Variants in PTPRD observed in about 807,000 individuals in gnomAD.
The protein encoded by PTPRD is receptor-type tyrosine-protein phosphatase delta.
Under a neutral mutation model 214.5 loss-of-function variants are expected in PTPRD, and 34 were observed. The ratio of observed to expected loss-of-function variants is 0.16; its 90% CI spans 0.12 to 0.21. The LOEUF (loss-of-function observed/expected upper bound fraction) is 0.21, where lower values mean the gene tolerates loss of function less well. Ranked by LOEUF, PTPRD falls within the 10% of genes least tolerant of loss-of-function variation. The pLI is 1.00. For missense variants in PTPRD, 2,545 were observed against 2,398.7 expected (o/e 1.06, Z -1.27); for synonymous variants, 1,128 against 845.7 (o/e 1.33, Z -5.79).
chr9:9,395,409 G>A (rs1015622633), intron 9 of PTPRD, among the ~76,000 whole-genome samples: 1 of 152,076 alleles, frequency 6.6e-6, no homozygotes, highest in African/African-American at 2.4e-5. Context: ...TGAGTTAATT[G>A]GTTTGGGTAC....
intron 44 of PTPRD, among the ~76,000 whole-genome samples, chr9:8,329,571 A>C (rs1400352688): frequency 1.3e-5 from 2 of 152,148 alleles, no homozygotes; most frequent in Non-Finnish European, 2.9e-5. Flanking sequence ...CGCTCATCAG[A>C]GCTGCCAGGT....
At chr9:9,978,660 A>C (rs1407518368) in intron 4 of PTPRD, among the ~76,000 whole-genome samples, 1 of 152,264 alleles carries the variant, frequency 6.6e-6, no homozygotes, top group South Asian at 2.1e-4. Context: ...GTATAGATGT[A>C]TATAATATAT....
At chr9:9,738,884 G>A (rs2098349919) in intron 6 of PTPRD, among the ~76,000 whole-genome samples, 1 of 152,044 alleles carries the variant, frequency 6.6e-6, no homozygotes, top group South Asian at 2.1e-4. Flanking sequence ...TCCCAATAAT[G>A]TAGAATTTTC....
chr9:9,834,213 T>A (rs779985716), intron 5 of PTPRD, among the ~76,000 whole-genome samples: 1 of 152,076 alleles, frequency 6.6e-6, no homozygotes, highest in African/African-American at 2.4e-5. Flanking sequence ...GTCCCTCTGT[T>A]TGGGGTCCCT....
At chr9:9,289,089 G>A (rs1280721818) in intron 9 of PTPRD, among the ~76,000 whole-genome samples, 1 of 151,796 alleles carries the variant, frequency 6.6e-6, no homozygotes, top group Non-Finnish European at 1.5e-5. Flanking sequence ...TTACGTCATG[G>A]AAATAGAGTT....
intron 5 of PTPRD, among the ~76,000 whole-genome samples, chr9:9,896,219 T>C (rs1282129833): frequency 2.0e-5 from 3 of 152,066 alleles, no homozygotes; most frequent in Non-Finnish European, 4.4e-5. Flanking sequence ...ACATAAAATA[T>C]GACTATTTCC....
At chr9:10,559,862 T>C (rs557640104) in intron 2 of PTPRD, among the ~76,000 whole-genome samples, 1,668 of 151,990 alleles carry the variant, frequency 0.011, 33 homozygotes, top group African/African-American at 0.037. Context: ...CAATGAGATA[T>C]CATCTCACAC....
chr9:10,588,546 T>A lies in PTPRD; in HGVS notation c.-600+23852A>T, dbSNP rs554771416. ...CCAGCCATGGAATCAGAACTCATAC[T>A]ATTGATATTAGAAGATCAACACAGT... On this transcript the variant is annotated intron_variant, in intron 2 of 45. Coordinates refer to ENST00000381196, the MANE Select transcript of PTPRD (RefSeq NM_002839.4). Among the ~76,000 whole-genome samples the A allele has an allele frequency of 1.8e-4, 27 of 152,030 alleles. No individual in the cohort carries two copies. The South Asian group carries it at 5.6e-3, about 32-fold the overall frequency.
intron 2 of PTPRD, among the ~76,000 whole-genome samples, chr9:10,438,159 T>A (rs1225190375): frequency 1.3e-5 from 2 of 151,032 alleles, no homozygotes; most frequent in Non-Finnish European, 3.0e-5. Flanking sequence ...ATTAAGTAAG[T>A]CATTTTCATT....
At position 10,360,172 on chromosome 9, in the gene PTPRD, C is replaced by T. The variant is rs550286288; in HGVS notation, c.-599-19155G>A. 1.5e-4 allele frequency among the ~76,000 whole-genome samples: 23 copies of T among 152,304 alleles called. No homozygotes were observed. The South Asian group carries it at 4.6e-3, about 30-fold the overall frequency. On this transcript the variant is annotated intron_variant, in intron 2 of 45. Coordinates refer to ENST00000381196, the MANE Select transcript of PTPRD (RefSeq NM_002839.4). ...CATAGTAATATAATAAAACTAGAGGCTGGAAATTTGAGTTCTTACTCTTGA... is the reference window on the plus strand; with the variant it reads ...CATAGTAATATAATAAAACTAGAGGTTGGAAATTTGAGTTCTTACTCTTGA...
chr9:10,489,877 G>T (rs1031319620), intron 2 of PTPRD, among the ~76,000 whole-genome samples: 1 of 152,162 alleles, frequency 6.6e-6, no homozygotes, highest in African/African-American at 2.4e-5. Context: ...CTGGGGAATG[G>T]GGGAGGGATA....
chr9:10,269,006 C>A (rs1034940246), intron 3 of PTPRD, among the ~76,000 whole-genome samples: 2 of 152,108 alleles, frequency 1.3e-5, no homozygotes, highest in East Asian at 3.9e-4. Flanking sequence ...AAAATATCTC[C>A]AGCCACTGCC....
chr9:8,768,949 T>C (rs1227257672), intron 11 of PTPRD, among the ~76,000 whole-genome samples: 2 of 152,190 alleles, frequency 1.3e-5, no homozygotes, highest in African/African-American at 2.4e-5. Flanking sequence ...TATAGCACTA[T>C]ATAATAAAAA....
chr9:9,422,903 G>A (rs576856082), intron 8 of PTPRD, among the ~76,000 whole-genome samples: 1 of 152,110 alleles, frequency 6.6e-6, no homozygotes, highest in African/African-American at 2.4e-5. Flanking sequence ...GCACCTTTAA[G>A]TTGTTACAGA....
At chr9:9,763,606 A>C (rs554230258) in intron 6 of PTPRD, among the ~76,000 whole-genome samples, 2 of 152,262 alleles carry the variant, frequency 1.3e-5, no homozygotes, top group Admixed American at 1.3e-4. Context: ...TCATTCATAA[A>C]TCTTAGCTCT....
intron 7 of PTPRD, among the ~76,000 whole-genome samples, chr9:9,734,048 AG>A (rs2098248679): frequency 6.6e-6 from 1 of 152,210 alleles, no homozygotes; most frequent in African/African-American, 2.4e-5. Flanking sequence ...CATGTGGAAA[AG>A]ATCAGTGTGT....
intron 8 of PTPRD, among the ~76,000 whole-genome samples, chr9:9,567,702 C>T (rs779428157): frequency 6.6e-6 from 1 of 151,976 alleles, no homozygotes; most frequent in East Asian, 1.9e-4. Flanking sequence ...CTTAAGGGAA[C>T]TTGAATTTTT....
chr9:10,073,191 G>A (rs1278370159), intron 3 of PTPRD, among the ~76,000 whole-genome samples: 1 of 151,738 alleles, frequency 6.6e-6, no homozygotes, highest in East Asian at 1.9e-4. Flanking sequence ...TTTACCTTAT[G>A]ATACTGTAAT....
At chr9:9,757,106 G>T (rs1022167338) in intron 6 of PTPRD, among the ~76,000 whole-genome samples, 5 of 152,034 alleles carry the variant, frequency 3.3e-5, no homozygotes, top group African/African-American at 1.2e-4. Context: ...CAGGAATTCA[G>T]GCCCTATAAC....
Sources: gnomAD v4.1 joint callset for allele counts (sites outside exome capture counted in the v4.1 genomes callset) on GRCh38, gnomAD v4.1.1 for gene constraint, MANE v1.5 for transcripts, NCBI Gene and HGNC (gene_info 2026-07-23, HGNC 2026-07-21) for gene names.